B3GALT1: variants seen among roughly 807,000 people sequenced by gnomAD.
B3GALT1 encodes the protein UDP-Gal:betaGlcNAc beta 1,3-galactosyltransferase, polypeptide 1.
In B3GALT1, 10 loss-of-function variants were observed where a neutral mutation model predicts 23.2. That is an observed-to-expected ratio of 0.43 (90% CI 0.27 to 0.73). The LOEUF (loss-of-function observed/expected upper bound fraction) is 0.73. Among genes scored for constraint, B3GALT1 ranks in the 30% least tolerant of loss-of-function variants. The pLI, the probability that B3GALT1 is intolerant of heterozygous loss-of-function variation, is 0.21. For missense variants in B3GALT1, 299 were observed against 405.4 expected, an observed-to-expected ratio of 0.74 and a Z score of 2.25; for synonymous variants, 156 against 141.5, an observed-to-expected ratio of 1.10 and a Z score of -0.73.
intron 2 of B3GALT1, among the ~76,000 whole-genome samples, chr2:167,515,111 GTCA>G (rs1294944547): frequency 6.6e-6 from 1 of 152,008 alleles, no homozygotes; most frequent in Non-Finnish European, 1.5e-5. Context: ...CATTTTACAA[GTCA>G]TCATCTTCAA....
intron 1 of B3GALT1, among the ~76,000 whole-genome samples, chr2:167,313,667 T>C (rs1696666167): frequency 6.6e-6 from 1 of 152,112 alleles, no homozygotes; most frequent in Non-Finnish European, 1.5e-5. Context: ...TCATATGGCC[T>C]CTCTTGGTTT....
At chr2:167,346,894 C>G (rs1022436252) in intron 1 of B3GALT1, among the ~76,000 whole-genome samples, 1 of 152,054 alleles carries the variant, frequency 6.6e-6, no homozygotes, top group East Asian at 1.9e-4. Context: ...TCAAAACTAT[C>G]GATCCGCTGT....
At chr2:167,481,373 C>T (rs374567548) in intron 1 of B3GALT1, among the ~76,000 whole-genome samples, 5 of 149,230 alleles carry the variant, frequency 3.4e-5, no homozygotes, top group African/African-American at 1.2e-4. Context: ...TAGCTTATCT[C>T]CATAAGCTAA....
At chr2:167,302,020 C>T (rs1696456043) in intron 1 of B3GALT1, among the ~76,000 whole-genome samples, 2 of 152,160 alleles carry the variant, frequency 1.3e-5, no homozygotes, top group Middle Eastern at 6.9e-3. Flanking sequence ...TGGAATTAAT[C>T]AGAGACATTT....
At chr2:167,484,651 A>G (rs1362103249) in intron 1 of B3GALT1, among the ~76,000 whole-genome samples, 1 of 152,184 alleles carries the variant, frequency 6.6e-6, no homozygotes, top group East Asian at 1.9e-4. Context: ...GATTGTGGAG[A>G]CCAAGGTTCT....
chr2:167,699,288 A>G (rs1686837371), intron 3 of B3GALT1, among the ~76,000 whole-genome samples: 1 of 150,888 alleles, frequency 6.6e-6, no homozygotes, highest in Admixed American at 6.6e-5. Context: ...TTATAAAGAT[A>G]GGTTTGTAAA....
At chr2:167,401,136 A>G (rs1487566274) in intron 1 of B3GALT1, among the ~76,000 whole-genome samples, 4 of 152,076 alleles carry the variant, frequency 2.6e-5, no homozygotes, top group African/African-American at 4.8e-5. Context: ...GGAAAAGCCT[A>G]TGACAAACCA....
chr2:167,571,341 C>G (rs1461765438), intron 2 of B3GALT1, among the ~76,000 whole-genome samples: 2 of 151,894 alleles, frequency 1.3e-5, no homozygotes, highest in South Asian at 2.1e-4. Context: ...GCTAGAATTC[C>G]TAGTTCACCT....
chr2:167,378,565 G>A (rs922087038), intron 1 of B3GALT1, among the ~76,000 whole-genome samples: 1 of 151,836 alleles, frequency 6.6e-6, no homozygotes, highest in African/African-American at 2.4e-5. Context: ...TTATTCAAAA[G>A]ACTTGTCTTC....
In B3GALT1 at chr2:167,598,354, T is replaced by C. The variant is rs537356839; in HGVS notation, c.-409-48555T>C. Among the ~76,000 whole-genome samples the C allele has an allele frequency of 4.6e-5, 7 of 152,270 alleles. No homozygotes were observed. The East Asian group carries it at 1.3e-3, about 29-fold the overall frequency. ...ATTGCATAATATAGAATATATTTGT[T>C]TTAATATCAAAAGGAAGTTTTTAAG... On this transcript the variant is annotated intron_variant, in intron 2 of 4. Transcript: ENST00000392690.
At chr2:167,845,747 A>G (rs375154500) in intron 4 of B3GALT1, among the ~76,000 whole-genome samples, 3 of 151,354 alleles carry the variant, frequency 2.0e-5, no homozygotes, top group East Asian at 2.0e-4. Context: ...TTCACCAGCA[A>G]TGGATCCAAA....
Position 167,734,889 on chromosome 2 carries a change from A to G in B3GALT1, c.-351-83783A>G, listed in dbSNP as rs564532923. ...TCCATCTTTCTTTGCTTGATTTCCA[A>G]CTATTTTCAAATACCTTATTCATAA... On this transcript the variant is annotated intron_variant, in intron 3 of 4. Transcript: ENST00000392690. Among the ~76,000 whole-genome samples the G allele has an allele frequency of 2.8e-4, 42 of 152,018 alleles. No individual in the cohort carries two copies. The South Asian group carries it at 8.5e-3, about 31-fold the overall frequency.
At chr2:167,474,283 G>T (rs1415425875) in intron 1 of B3GALT1, among the ~76,000 whole-genome samples, 1 of 152,154 alleles carries the variant, frequency 6.6e-6, no homozygotes, top group Non-Finnish European at 1.5e-5. Context: ...TTAATTGCTT[G>T]TAAAGAAATG....
At chr2:167,613,813 G>T (rs1324236547) in intron 2 of B3GALT1, among the ~76,000 whole-genome samples, 1 of 151,600 alleles carries the variant, frequency 6.6e-6, no homozygotes, top group African/African-American at 2.4e-5. Flanking sequence ...TTTGCCCCAA[G>T]AATATAAAGA....
chr2:167,339,551 A>C (rs997438477), intron 1 of B3GALT1, among the ~76,000 whole-genome samples: 2 of 152,128 alleles, frequency 1.3e-5, no homozygotes, highest in Non-Finnish European at 2.9e-5. Context: ...TTATTTATTA[A>C]GTTGGGGAAC....
intron 2 of B3GALT1, among the ~76,000 whole-genome samples, chr2:167,561,014 T>C (rs201030268): frequency 0.12 from 18,725 of 151,348 alleles, 2,507 homozygotes; most frequent in African/African-American, 0.33. Flanking sequence ...TTTTTTTCAG[T>C]ACCACACCAC....
intron 1 of B3GALT1, among the ~76,000 whole-genome samples, chr2:167,393,151 G>A (rs1233646187): frequency 5.9e-5 from 9 of 151,830 alleles, no homozygotes; most frequent in Admixed American, 5.9e-4. Context: ...GGAGAATGGC[G>A]TGAACCCGGG....
At chr2:167,533,897 T>A (rs1683371952) in intron 2 of B3GALT1, among the ~76,000 whole-genome samples, 2 of 152,228 alleles carry the variant, frequency 1.3e-5, no homozygotes, top group Admixed American at 6.5e-5. Context: ...TTGAATTGTT[T>A]AGACAGGTGT....
chr2:167,448,581 A>G lies in B3GALT1; in HGVS notation c.-510-41596A>G, dbSNP rs143160887. Among the ~76,000 whole-genome samples, 1,403 of 152,100 alleles carry G rather than the reference A, an allele frequency of 9.2e-3. 25 individuals carry two copies. Among genetic ancestry groups the G allele is most frequent in the African/African-American group, 0.032 (1,330 of 41,510 alleles). ...TGTGGTTTGTCTGTTTACTCTGCTGATTATTTCTTTTGCTGTGCAGAAGCT... is the reference window on the plus strand; with the variant it reads ...TGTGGTTTGTCTGTTTACTCTGCTGGTTATTTCTTTTGCTGTGCAGAAGCT... On this transcript the variant is annotated intron_variant, in intron 1 of 4. Transcript: ENST00000392690.
Sources: allele counts gnomAD v4.1 joint callset (sites outside exome capture counted in the v4.1 genomes callset), GRCh38; gene constraint gnomAD v4.1.1; transcripts MANE v1.5; gene names NCBI Gene and HGNC (gene_info 2026-07-23, HGNC 2026-07-21).